SCRN3: variants seen among roughly 807,000 people sequenced by gnomAD.
SCRN3 encodes secernin 3.
SCRN3 carries 39 observed loss-of-function variants against 43.1 expected under a neutral mutation model. That is an observed-to-expected ratio of 0.91 (90% CI 0.70 to 1.18). SCRN3 has a LOEUF of 1.18. Among genes scored for constraint, SCRN3 ranks in the 50% most tolerant of loss-of-function variants. The probability of loss-of-function intolerance (pLI) is 0.00; values close to 1 mark genes in which losing one functional copy is unlikely to be tolerated. For missense variants in SCRN3, 484 were observed against 498.0 expected (o/e 0.97, Z 0.27); for synonymous variants, 147 against 163.1 (o/e 0.90, Z 0.75).
chr2:174,400,876 T>A (rs1175563130), intron 3 of SCRN3, 114 bp from the exon 4 acceptor site: 2 of 870,200 alleles, frequency 2.3e-6, no homozygotes, highest in Admixed American at 2.9e-5. Context: ...TCATTTCATC[T>A]GTTAACTTGG....
chr2:174,395,762 T>TC lies in SCRN3; in HGVS notation c.-63dup, dbSNP rs1685280799. The TC allele has an allele frequency of 1.3e-6, 2 of 1,582,900 alleles. No individual in the cohort carries two copies. Among genetic ancestry groups the TC allele is most frequent in the Admixed American group, 3.7e-5 (2 of 54,182 alleles). On this transcript the variant is annotated 5_prime_UTR_variant, in exon 1 of 8. It introduces an in-frame stop codon into an upstream open reading frame of the 5' UTR. Coordinates refer to ENST00000272732, the MANE Select transcript of SCRN3 (RefSeq NM_024583.5). Reference sequence around the variant, plus strand: ...GTGACAGCTTCCGGCAACTGATGCCTCCACTGGCCACTCCTCCCTCCGTCC... The same window carrying TC: ...GTGACAGCTTCCGGCAACTGATGCCTCCCACTGGCCACTCCTCCCTCCGTCC...
intron 6 of SCRN3, 38 bp downstream of exon 6, chr2:174,423,085 G>A (rs983829134): frequency 6.4e-7 from 1 of 1,565,496 alleles, no homozygotes; most frequent in Non-Finnish European, 8.7e-7. Context: ...CAAGGGGTCA[G>A]GGGATGGAGT....
At position 174,400,002 on chromosome 2, in the gene SCRN3, A is replaced by C. The variant is rs1685451157; in HGVS notation, c.240A>C (p.Glu80Asp). The C allele has an allele frequency of 6.3e-7, 1 of 1,599,390 alleles. No individual in the cohort carries two copies. Among genetic ancestry groups the C allele is most frequent in the African/African-American group, 1.4e-5 (1 of 73,612 alleles). Residue 80 changes from glutamate (E) to aspartate (D), a missense_variant, in exon 3 of 8, where the codon GAA becomes GAC. Coordinates refer to ENST00000272732, the MANE Select transcript of SCRN3 (RefSeq NM_024583.5). The part of the protein sequence containing the change: ...LSRPAWLWGA[E>D]MGANEHGVCI... ...GCCCAGCGTGGTTGTGGGGGGCAGAAATGGGAGCCAATGAGCATGGAGTTT... is the reference window on the plus strand; with the variant it reads ...GCCCAGCGTGGTTGTGGGGGGCAGACATGGGAGCCAATGAGCATGGAGTTT...
intron 7 of SCRN3, among the ~76,000 whole-genome samples, chr2:174,425,275 TATAG>T (rs544492420): frequency 3.3e-4 from 50 of 152,292 alleles, no homozygotes; most frequent in Non-Finnish European, 5.7e-4. Flanking sequence ...TTTTTTCTGG[TATAG>T]ATAGATAGGT....
rs1347914241 is a variant in SCRN3, at chr2:174,398,381, A to T, written c.98A>T (p.Glu33Val). The change falls in exon 2 of 8, where the codon GAA becomes GTA. Residue 33 changes from glutamate to valine, a missense_variant. Transcript: ENST00000272732. ...FGKNSDRLYD[E>V]VQEVVYFPAV... ...AAAAATTCAGATAGACTCTATGATG[A>T]AGTACAAGAGGTGGTTTATTTTCCT... 6.2e-7 allele frequency: 1 copy of T among 1,608,920 alleles called. No homozygotes were observed. The highest frequency in any genetic ancestry group is 1.7e-5 in the Admixed American group (1 of 59,022).
intron 1 of SCRN3, chr2:174,397,079 A>C: frequency 1.0e-6 from 1 of 983,314 alleles, no homozygotes; most frequent in Non-Finnish European, 1.2e-6. Flanking sequence ...AGGACATAAG[A>C]GTTGAAATAC....
intron 5 of SCRN3, among the ~76,000 whole-genome samples, chr2:174,419,339 A>G (rs1377111436): frequency 3.3e-5 from 5 of 152,206 alleles, no homozygotes; most frequent in Admixed American, 3.3e-4. Flanking sequence ...AAACATTTCC[A>G]TATAAAGTAT....
chr2:174,399,836 C>G, intron 2 of SCRN3, 86 bp from the exon 3 acceptor site: 1 of 997,578 alleles, frequency 1.0e-6, no homozygotes, highest in Non-Finnish European at 1.3e-6. Flanking sequence ...GTTTTGTCTT[C>G]TGACTGATTT....
intron 5 of SCRN3, among the ~76,000 whole-genome samples, chr2:174,409,830 CTGCG>C (rs1156519447): frequency 2.8e-5 from 4 of 142,354 alleles, no homozygotes; most frequent in African/African-American, 9.9e-5. Flanking sequence ...AGATCTCCAG[CTGCG>C]TGCTGGGAGA....
At chr2:174,418,634 A>G (rs1246364512) in intron 5 of SCRN3, among the ~76,000 whole-genome samples, 3 of 152,212 alleles carry the variant, frequency 2.0e-5, no homozygotes, top group Non-Finnish European at 4.4e-5. Flanking sequence ...TTTTGAATAC[A>G]GAAAATATTT....
At chr2:174,396,102 G>A (rs1388721605) in intron 1 of SCRN3, 6 of 1,062,816 alleles carry the variant, frequency 5.6e-6, no homozygotes, top group African/African-American at 4.9e-5. Flanking sequence ...GGCCCTAACC[G>A]TAGTATGCTT....
intron 5 of SCRN3, among the ~76,000 whole-genome samples, chr2:174,421,428 C>T (rs144464363): frequency 3.0e-3 from 457 of 152,312 alleles, no homozygotes; most frequent in Non-Finnish European, 5.5e-3. Context: ...GCCACAGCTG[C>T]AGTGCTTAAA....
intron 6 of SCRN3, among the ~76,000 whole-genome samples, chr2:174,423,707 G>A (rs1686374973): frequency 6.6e-6 from 1 of 151,168 alleles, no homozygotes; most frequent in Non-Finnish European, 1.5e-5. Flanking sequence ...CTGACTTTGT[G>A]ATCCGCCCAC....
intron 1 of SCRN3, chr2:174,396,875 TGTGA>T (rs972524821): frequency 1.3e-5 from 2 of 154,418 alleles, no homozygotes; most frequent in Non-Finnish European, 2.9e-5. Context: ...ACAGCTTTCA[TGTGA>T]GTATCTACTA....
Position 174,404,234 on chromosome 2 carries a change from T to C in SCRN3, c.673T>C (p.Tyr225His). ...AAAGGAGTTTGATTTTGCTGCAGCA[T>C]ATTCCTATCTTGACACAGCCAAGAT... ...GKKEFDFAAA[Y>H]SYLDTAKMMT... The change falls in exon 5 of 8, where the codon TAT (tyrosine) becomes CAT (histidine). Residue 225 changes from tyrosine (Y) to histidine (H), a missense_variant. Physicochemically the swap from Tyr to His is moderately conservative, Grantham distance 83. Transcript: ENST00000272732. The C allele has an allele frequency of 6.2e-7, 1 of 1,613,906 alleles. No individual in the cohort carries two copies. Among genetic ancestry groups the C allele is most frequent in the South Asian group, 1.1e-5 (1 of 91,078 alleles).
chr2:174,422,888 A>G lies in SCRN3; in HGVS notation c.758A>G (p.Asn253Ser). The G allele has an allele frequency of 4.4e-6, 7 of 1,599,378 alleles. No individual in the cohort carries two copies. The highest frequency in any genetic ancestry group is 1.3e-5 in the African/African-American group (1 of 74,676). Residue 253 changes from asparagine (N) to serine (S), a missense_variant, in exon 6 of 8, where the codon AAT (asparagine) becomes AGT (serine). Physicochemically the swap from Asn to Ser is conservative, Grantham distance 46. Transcript: ENST00000272732. ...GYKLLNKHKG[N>S]ITFETMMEIL... ...ATTTTAAAAATTATTTCTCTAGGAA[A>G]TATAACTTTTGAAACAATGATGGAA...
intron 5 of SCRN3, 89 bp downstream of exon 5, chr2:174,404,404 T>C: frequency 1.2e-6 from 1 of 800,982 alleles, no homozygotes; most frequent in Non-Finnish European, 1.9e-6. Context: ...TTTGGGGAAT[T>C]ATAATTAGTA....
At chr2:174,427,503 A>C (rs1184081240) in intron 7 of SCRN3, among the ~76,000 whole-genome samples, 6 of 152,168 alleles carry the variant, frequency 3.9e-5, no homozygotes, top group Non-Finnish European at 5.9e-5. Context: ...TCTACTAAAA[A>C]TAATTTGGTA....
At chr2:174,414,407 A>G (rs1316829444) in intron 5 of SCRN3, among the ~76,000 whole-genome samples, 1 of 152,186 alleles carries the variant, frequency 6.6e-6, no homozygotes, top group Non-Finnish European at 1.5e-5. Flanking sequence ...TAATGAAACA[A>G]ATATGTAATT....
Sources: allele counts gnomAD v4.1 joint callset (sites outside exome capture counted in the v4.1 genomes callset), GRCh38; gene constraint gnomAD v4.1.1; transcripts MANE v1.5; gene names NCBI Gene and HGNC (gene_info 2026-07-23, HGNC 2026-07-21).